The following C1orf87 variants were observed in gnomAD, a reference collection of about 807,000 sequenced individuals.
C1orf87 encodes the protein uncharacterized protein C1orf87.
In C1orf87, 58 loss-of-function variants were observed where a neutral mutation model predicts 60.5. That is an observed-to-expected ratio of 0.96 (90% confidence interval 0.78 to 1.19). The LOEUF is 1.19. C1orf87 is among the 50% of genes most tolerant of loss of function. The pLI, the probability that C1orf87 is intolerant of heterozygous loss-of-function variation, is 0.00. For missense variants in C1orf87, 673 were observed against 638.6 expected (o/e 1.05, Z -0.58); for synonymous variants, 236 against 227.4 (o/e 1.04, Z -0.34).
intron 11 of C1orf87, among the ~76,000 whole-genome samples, chr1:59,994,490 G>A (rs1052232278): frequency 1.4e-4 from 21 of 152,222 alleles, no homozygotes; most frequent in African/African-American, 4.1e-4. Context: ...TGTAAAGTCC[G>A]GGCTCATGCA....
At chr1:60,058,983 T>A (rs1202105635) in intron 2 of C1orf87, among the ~76,000 whole-genome samples, 2 of 152,204 alleles carry the variant, frequency 1.3e-5, no homozygotes, top group African/African-American at 2.4e-5. Context: ...ACAGAATTGC[T>A]TGAGAAATGT....
chr1:60,044,505 G>T (rs1447648514), intron 3 of C1orf87, among the ~76,000 whole-genome samples: 3 of 152,080 alleles, frequency 2.0e-5, no homozygotes, highest in African/African-American at 7.2e-5. Flanking sequence ...CTCCATGTGG[G>T]CCAGGACTCT....
intron 2 of C1orf87, among the ~76,000 whole-genome samples, chr1:60,069,725 C>T (rs199946546): frequency 1.3e-5 from 2 of 152,274 alleles, no homozygotes; most frequent in South Asian, 4.1e-4. Flanking sequence ...AGTTATCTCA[C>T]CTCATCTGTA....
intron 8 of C1orf87, among the ~76,000 whole-genome samples, chr1:60,018,712 C>G (rs968927822): frequency 3.3e-5 from 5 of 152,160 alleles, no homozygotes; most frequent in Non-Finnish European, 5.9e-5. Context: ...CATCCAACCA[C>G]CCCCAAGGTT....
intron 9 of C1orf87, 96 bp from the exon 10 acceptor site, chr1:60,001,252 A>C (rs933318514): frequency 1.5e-4 from 134 of 886,392 alleles, no homozygotes; most frequent in East Asian, 4.0e-4. Context: ...GCAACAACAA[A>C]AAAATGGAGG....
At chr1:60,039,459 C>T (rs1280661126) in intron 5 of C1orf87, among the ~76,000 whole-genome samples, 1 of 152,180 alleles carries the variant, frequency 6.6e-6, no homozygotes, top group Admixed American at 6.5e-5. Context: ...GTCTCCTAAA[C>T]AAGTTATTGG....
intron 7 of C1orf87, among the ~76,000 whole-genome samples, chr1:60,031,244 G>A (rs1645236048): frequency 6.6e-6 from 1 of 152,144 alleles, no homozygotes; most frequent in Non-Finnish European, 1.5e-5. Flanking sequence ...TGTCCCTTGG[G>A]CTTCAATTTG....
At chr1:60,034,687 T>C (rs1032404434) in intron 6 of C1orf87, among the ~76,000 whole-genome samples, 2 of 152,236 alleles carry the variant, frequency 1.3e-5, no homozygotes, top group Non-Finnish European at 2.9e-5. Flanking sequence ...GTCTGGCTCC[T>C]GCACACCCCT....
At chr1:60,048,941 C>T (rs1645392943) in intron 3 of C1orf87, among the ~76,000 whole-genome samples, 1 of 151,972 alleles carries the variant, frequency 6.6e-6, no homozygotes, top group South Asian at 2.1e-4. Context: ...TTTCATAGTA[C>T]TCCATGTATG....
chr1:60,037,942 C>T, intron 6 of C1orf87, 50 bp downstream of exon 6: 1 of 1,269,622 alleles, frequency 7.9e-7, no homozygotes, highest in Non-Finnish European at 1.1e-6. Flanking sequence ...GCAGCCCACA[C>T]AGACTAAGAC....
intron 9 of C1orf87, among the ~76,000 whole-genome samples, chr1:60,007,477 A>T (rs1645054687): frequency 6.6e-6 from 1 of 152,056 alleles, no homozygotes; most frequent in African/African-American, 2.4e-5. Flanking sequence ...CAGTTATTTC[A>T]AAATCTATGT....
At chr1:60,022,110 T>G (rs1645167614) in intron 8 of C1orf87, among the ~76,000 whole-genome samples, 4 of 5,428 alleles carry the variant, frequency 7.4e-4, no homozygotes, top group Admixed American at 3.3e-3. Flanking sequence ...AGGACTTTGA[T>G]TTTTTTTTTT....
chr1:60,040,915 T>A (rs1645319271), intron 4 of C1orf87, 76 bp downstream of exon 4: 1 of 1,462,276 alleles, frequency 6.8e-7, no homozygotes, highest in Admixed American at 2.0e-5. Context: ...TATCTTCTGC[T>A]CCACATCAAG....
intron 3 of C1orf87, among the ~76,000 whole-genome samples, chr1:60,049,126 A>T (rs2100309691): frequency 6.6e-6 from 1 of 152,196 alleles, no homozygotes; most frequent in Middle Eastern, 3.4e-3. Context: ...TCTTATAAAA[A>T]AATGTAGATG....
chr1:60,066,595 A>C (rs1574331598), intron 2 of C1orf87, among the ~76,000 whole-genome samples: 1 of 152,088 alleles, frequency 6.6e-6, no homozygotes, highest in South Asian at 2.1e-4. Flanking sequence ...TGGAACCCTC[A>C]AAGTCATCCA....
Position 60,025,481 on chromosome 1 carries a change from C to A in C1orf87, c.1047G>T (p.Gly349=). The part of the protein sequence containing the change: ...LPLPKVRAIC[G]KHGLYLTLSL... ...TCAGGGTCAGATATAATCCATGCTT[C>A]CCACATATAGCCCTGACCTACAAGT... The change falls in exon 8 of 12, where the codon GGG becomes GGT. Residue 349 remains glycine (G), a synonymous_variant. Coordinates refer to ENST00000371201, the MANE Select transcript of C1orf87 (RefSeq NM_152377.3). The A allele has an allele frequency of 1.2e-6, 2 of 1,611,930 alleles. No individual in the cohort carries two copies. The highest frequency in any genetic ancestry group is 1.7e-6 in the Non-Finnish European group (2 of 1,178,974).
At chr1:60,036,583 G>A (rs951682762) in intron 6 of C1orf87, among the ~76,000 whole-genome samples, 1 of 152,156 alleles carries the variant, frequency 6.6e-6, no homozygotes, top group Non-Finnish European at 1.5e-5. Flanking sequence ...GAAGTGAAGT[G>A]TATCATGCCC....
At chr1:60,050,840 T>C (rs1645409076) in intron 3 of C1orf87, among the ~76,000 whole-genome samples, 1 of 152,176 alleles carries the variant, frequency 6.6e-6, no homozygotes, top group African/African-American at 2.4e-5. Flanking sequence ...TCAGTGGTCT[T>C]ATAGACTTGT....
At chr1:60,049,159 T>G (rs1005576303) in intron 3 of C1orf87, among the ~76,000 whole-genome samples, 5 of 152,116 alleles carry the variant, frequency 3.3e-5, no homozygotes, top group Non-Finnish European at 7.4e-5. Flanking sequence ...TTACTGTCAA[T>G]TTTTCTTCCA....
Sources: allele counts gnomAD v4.1 joint callset (sites outside exome capture counted in the v4.1 genomes callset), GRCh38; gene constraint gnomAD v4.1.1; transcripts MANE v1.5; gene names NCBI Gene and HGNC (gene_info 2026-07-23, HGNC 2026-07-21).